Variants in DNAH14 observed in about 807,000 individuals in gnomAD.
The protein encoded by DNAH14 is axonemal beta dynein heavy chain 14.
In DNAH14, 478 loss-of-function variants were observed where a neutral mutation model predicts 520.9. The ratio of observed to expected loss-of-function variants is 0.92; its 90% CI spans 0.85 to 0.99. DNAH14 has a LOEUF of 0.99. DNAH14 is among the 50% of genes least tolerant of loss of function. The pLI is 0.00. For synonymous variants in DNAH14, 1,581 were observed against 1,757.2 expected, an observed-to-expected ratio of 0.90 and a Z score of 2.51; for missense variants, 4,831 against 5,234.5, an observed-to-expected ratio of 0.92 and a Z score of 2.38.
chr1:225,159,426 A>G lies in DNAH14; in HGVS notation c.5386A>G (p.Ile1796Val). Residue 1796 changes from isoleucine (I) to valine (V), a missense_variant, in exon 35 of 86, where the codon ATT becomes GTT. Transcript: ENST00000682510. ...PPEDVPLFEN[I>V]IGDIFPEVTV... ...TGAAGATGTCCCACTTTTTGAAAAT[A>G]TTATAGGAGATATTTTTCCAGAAGT... The G allele has an allele frequency of 6.5e-7, 1 of 1,547,174 alleles. No individual in the cohort carries two copies. The highest frequency in any genetic ancestry group is 8.7e-7 in the Non-Finnish European group (1 of 1,145,242).
At chr1:225,096,776 A>G (rs965030072) in intron 21 of DNAH14, among the ~76,000 whole-genome samples, 3 of 152,154 alleles carry the variant, frequency 2.0e-5, no homozygotes, top group African/African-American at 7.2e-5. Flanking sequence ...TATGCATATC[A>G]CATTTCTGGT....
rs78335375 is a variant in DNAH14 at position 225,152,043 on chromosome 1, C to T, written c.4979C>T (p.Ser1660Phe). The T allele has an allele frequency of 6.4e-7, 1 of 1,551,236 alleles. No individual in the cohort carries two copies. Among genetic ancestry groups the T allele is most frequent in the Non-Finnish European group, 8.7e-7 (1 of 1,146,892 alleles). The change falls in exon 32 of 86, where the codon TCT (serine) becomes TTT (phenylalanine). Residue 1660 changes from serine to phenylalanine, a missense_variant. By Grantham distance (155) the Ser-to-Phe change is radical. Coordinates refer to ENST00000682510, the MANE Select transcript of DNAH14 (RefSeq NM_001367479.1). The stretch of plus-strand genomic sequence containing the variant: ...GGAAAAGAAATTCGTATCAATATGT[C>T]TTGTGCGGTATTTATCACCATGAAT... The part of the protein sequence containing the change: ...LEGKEIRINM[S>F]CAVFITMNPR...
At position 225,344,176 on chromosome 1, in the gene DNAH14, A is replaced by G. The variant is rs1044778594; in HGVS notation, c.10679-1786A>G. 2.0e-5 allele frequency among the ~76,000 whole-genome samples: 3 copies of G among 151,650 alleles called. No individual in the cohort carries two copies. The East Asian group carries it at 5.8e-4, about 29-fold the overall frequency. The stretch of plus-strand genomic sequence containing the variant: ...AACTAAATTAAGAGATGCCTTGATT[A>G]TATACATAATTTTTCCTCCTCCTTT... On this transcript the variant is annotated intron_variant, in intron 69 of 85. Transcript: ENST00000682510.
At position 225,099,268 on chromosome 1, in the gene DNAH14, C is replaced by T. The variant is rs185618522; in HGVS notation, c.3696-1445C>T. Among the ~76,000 whole-genome samples the T allele has an allele frequency of 2.6e-5, 4 of 152,178 alleles. No individual in the cohort carries two copies. The South Asian group carries it at 8.3e-4, about 32-fold the overall frequency. ...CTTGGGAAATCTTGACATGTATTTC[C>T]CTAGAGTGTAGGGACATTAGAAACT... On this transcript the variant is annotated intron_variant, in intron 22 of 85. Transcript: ENST00000682510.
intron 20 of DNAH14, among the ~76,000 whole-genome samples, chr1:225,083,313 T>A (rs2073354765): frequency 2.1e-5 from 1 of 47,496 alleles, no homozygotes; most frequent in Admixed American, 1.9e-4. Flanking sequence ...TATAATGTAA[T>A]CAAAACATAT....
rs561869101 is a variant in DNAH14, at chr1:225,185,110, TA to T, written c.5536-169del. ...AAAGTTTCAGGACACAAAATCAATG[TA>T]AAAAAAAAAAATCAGTAGCATTTCT... On this transcript the variant is annotated intron_variant, in intron 36 of 85. Coordinates refer to ENST00000682510, the MANE Select transcript of DNAH14 (RefSeq NM_001367479.1). Among the ~76,000 whole-genome samples the T allele has an allele frequency of 1.9e-3, 279 of 144,044 alleles. 1 individual carries two copies. The highest frequency in any genetic ancestry group is 7.9e-3 in the East Asian group (40 of 5,072). The allele number at this position is 144,044 out of a possible 152,430, so 94.5% of individuals were successfully genotyped here.
intron 17 of DNAH14, among the ~76,000 whole-genome samples, chr1:225,071,072 T>C (rs2148490283): frequency 6.6e-6 from 1 of 152,350 alleles, no homozygotes; most frequent in Non-Finnish European, 1.5e-5. Context: ...CCTATGTGTG[T>C]CATTGCATGT....
At chr1:225,147,381 C>A in intron 31 of DNAH14, 132 bp downstream of exon 31, 1 of 854,214 alleles carries the variant, frequency 1.2e-6, no homozygotes, top group South Asian at 3.2e-5. Flanking sequence ...AAGCACATAC[C>A]AAAAGGAATG....
intron 55 of DNAH14, among the ~76,000 whole-genome samples, chr1:225,294,394 T>G (rs1398947695): frequency 2.0e-5 from 3 of 152,208 alleles, no homozygotes; most frequent in African/African-American, 7.2e-5. Context: ...TGGCCTATAG[T>G]TTTCCTTTTT....
intron 11 of DNAH14, among the ~76,000 whole-genome samples, chr1:225,025,998 GTTAA>G (rs1334236999): frequency 1.3e-5 from 2 of 151,728 alleles, no homozygotes; most frequent in Non-Finnish European, 2.9e-5. Context: ...AATTGTGTTA[GTTAA>G]TTAATTAATT....
At position 224,947,306 on chromosome 1, in the gene DNAH14, G is replaced by A. The variant is rs77406942; in HGVS notation, c.-33-5364G>A. On this transcript the variant is annotated intron_variant, in intron 1 of 85. Transcript: ENST00000682510. The stretch of plus-strand genomic sequence containing the variant: ...TTACTATGCTGCCTCAGTTATTAAA[G>A]CTTTAGTATTAATTCTACTATTAGA... Among the ~76,000 whole-genome samples, 2,454 of 152,104 alleles carry A rather than the reference G, an allele frequency of 0.016. 187 individuals carry two copies. The East Asian group carries it at 0.22, about 14-fold the overall frequency.
intron 9 of DNAH14, among the ~76,000 whole-genome samples, chr1:225,003,743 T>A (rs905399583): frequency 1.3e-5 from 2 of 152,072 alleles, no homozygotes; most frequent in Admixed American, 1.3e-4. Context: ...TAGAGAATGT[T>A]TATGTTTCAA....
intron 43 of DNAH14, among the ~76,000 whole-genome samples, chr1:225,244,129 T>C (rs763276223): frequency 2.2e-4 from 33 of 152,262 alleles, no homozygotes; most frequent in Non-Finnish European, 4.3e-4. Flanking sequence ...ACTGGTTCTG[T>C]TTATGTGATG....
At chr1:225,333,170 C>A in intron 65 of DNAH14, 121 bp from the exon 66 acceptor site, 1 of 767,738 alleles carries the variant, frequency 1.3e-6, no homozygotes, top group Non-Finnish European at 2.0e-6. Flanking sequence ...TTGATACAGC[C>A]ACAGCTTGAG....
intron 60 of DNAH14, among the ~76,000 whole-genome samples, chr1:225,313,609 T>TA (rs2094412559): frequency 6.6e-6 from 1 of 152,234 alleles, no homozygotes; most frequent in African/African-American, 2.4e-5. Context: ...AACACTGCTA[T>TA]AGCTGTGTCC....
intron 8 of DNAH14, among the ~76,000 whole-genome samples, chr1:224,980,468 T>C (rs939425802): frequency 1.3e-5 from 2 of 152,102 alleles, no homozygotes; most frequent in African/African-American, 4.8e-5. Context: ...TGCGGTAGTA[T>C]AGAGTGTCAC....
intron 41 of DNAH14, among the ~76,000 whole-genome samples, chr1:225,217,697 G>A (rs543189957): frequency 7.0e-4 from 106 of 152,294 alleles, no homozygotes; most frequent in Middle Eastern, 3.4e-3. Context: ...GGGACCCTCC[G>A]AGCCAGGCGC....
intron 81 of DNAH14, among the ~76,000 whole-genome samples, chr1:225,381,827 T>A (rs1305835218): frequency 1.3e-5 from 2 of 152,270 alleles, no homozygotes; most frequent in African/African-American, 4.8e-5. Flanking sequence ...TGGCAGTTCA[T>A]GTCAAAGTAG....
At chr1:224,942,900 G>A (rs1390518367) in intron 1 of DNAH14, among the ~76,000 whole-genome samples, 1 of 152,140 alleles carries the variant, frequency 6.6e-6, no homozygotes, top group African/African-American at 2.4e-5. Context: ...GCTGGATTTG[G>A]TTTGCCAGTA....
Sources: gnomAD v4.1 joint callset for allele counts (sites outside exome capture counted in the v4.1 genomes callset) on GRCh38, gnomAD v4.1.1 for gene constraint, MANE v1.5 for transcripts, NCBI Gene and HGNC (gene_info 2026-07-23, HGNC 2026-07-21) for gene names.